Variants in HABP4 observed in about 807,000 individuals in gnomAD.
HABP4 encodes the protein hyaluronan binding protein 4.
Under a neutral mutation model 44.1 loss-of-function variants are expected in HABP4, and 32 were observed. The observed-to-expected ratio is 0.73, with a 90% CI of 0.55 to 0.97. The LOEUF (loss-of-function observed/expected upper bound fraction) is 0.97. Among genes scored for constraint, HABP4 ranks in the 50% least tolerant of loss-of-function variants. The probability of loss-of-function intolerance (pLI) is 0.00; values close to 1 mark genes in which losing one functional copy is unlikely to be tolerated. For missense variants in HABP4, 503 were observed against 561.9 expected (o/e 0.90, Z 1.06); for synonymous variants, 216 against 218.0 (o/e 0.99, Z 0.08).
intron 5 of HABP4, among the ~76,000 whole-genome samples, chr9:96,472,362 A>G (rs1378523158): frequency 1.3e-5 from 2 of 152,010 alleles, no homozygotes; most frequent in African/African-American, 2.4e-5. Context: ...TTTCTCCTCA[A>G]AACCCTGACA....
intron 1 of HABP4, chr9:96,451,349 C>T: frequency 4.1e-6 from 1 of 245,452 alleles, no homozygotes; most frequent in Non-Finnish European, 6.5e-6. Context: ...AAAACCGGTG[C>T]GCAGCGTGGT....
chr9:96,468,767 A>G (rs561753652), intron 4 of HABP4, among the ~76,000 whole-genome samples: 1 of 152,276 alleles, frequency 6.6e-6, no homozygotes, highest in Non-Finnish European at 1.5e-5. Flanking sequence ...TAATTAATAA[A>G]TAGAGATAAA....
intron 2 of HABP4, among the ~76,000 whole-genome samples, chr9:96,460,395 T>G (rs1489940450): frequency 6.6e-6 from 1 of 152,110 alleles, no homozygotes; most frequent in Non-Finnish European, 1.5e-5. Context: ...GAGAATAAGG[T>G]GTAGGAATGT....
At chr9:96,465,623 C>A in intron 3 of HABP4, 87 bp from the exon 4 acceptor site, 1 of 1,182,722 alleles carries the variant, frequency 8.5e-7, no homozygotes. Flanking sequence ...GAAGCTGATC[C>A]TGGGACTTTT....
At chr9:96,478,420 C>T (rs1247063495) in intron 5 of HABP4, among the ~76,000 whole-genome samples, 4 of 152,130 alleles carry the variant, frequency 2.6e-5, no homozygotes, top group Non-Finnish European at 5.9e-5. Flanking sequence ...CGTGAGCCAC[C>T]GTGCCCGTCC....
intron 1 of HABP4, among the ~76,000 whole-genome samples, chr9:96,453,468 C>A: frequency 6.7e-6 from 1 of 149,336 alleles, no homozygotes; most frequent in East Asian, 1.9e-4. Flanking sequence ...GCCTCAGCCT[C>A]CCAAAGTGCT....
At chr9:96,487,983 C>T (rs1292903518) in intron 6 of HABP4, 106 bp from the exon 7 acceptor site, 1 of 783,280 alleles carries the variant, frequency 1.3e-6, no homozygotes, top group Non-Finnish European at 2.2e-6. Context: ...CTGACTAGCC[C>T]CTGATGGTGT....
At chr9:96,470,942 T>G in intron 4 of HABP4, 69 bp from the exon 5 acceptor site, 1 of 914,228 alleles carries the variant, frequency 1.1e-6, no homozygotes, top group Non-Finnish European at 1.8e-6. Context: ...TGTTTTCTCC[T>G]TCTTAAACAT....
chr9:96,462,793 A>G (rs1266143860), intron 2 of HABP4, among the ~76,000 whole-genome samples: 1 of 151,808 alleles, frequency 6.6e-6, no homozygotes, highest in Non-Finnish European at 1.5e-5. Context: ...GTGGTGGCAC[A>G]TGCCTGTAGT....
At chr9:96,457,500 C>T (rs1344703473) in intron 1 of HABP4, among the ~76,000 whole-genome samples, 1 of 152,216 alleles carries the variant, frequency 6.6e-6, no homozygotes, top group African/African-American at 2.4e-5. Flanking sequence ...GTTATAACTG[C>T]AAGTCTATAT....
intron 1 of HABP4, among the ~76,000 whole-genome samples, chr9:96,457,517 TAGA>T (rs1330430473): frequency 1.3e-5 from 2 of 152,232 alleles, no homozygotes; most frequent in African/African-American, 4.8e-5. Context: ...ATATATCTCA[TAGA>T]ATAGCAGGAA....
chr9:96,485,055 CTTTT>C (rs869271101), intron 6 of HABP4, among the ~76,000 whole-genome samples: 1 of 145,270 alleles, frequency 6.9e-6, no homozygotes, highest in Admixed American at 6.9e-5. Flanking sequence ...TAGTTGATGA[CTTTT>C]TTTTTTTTTT....
At chr9:96,458,229 A>T in intron 1 of HABP4, 150 bp from the exon 2 acceptor site, 1 of 767,894 alleles carries the variant, frequency 1.3e-6, no homozygotes, top group East Asian at 2.5e-5. Flanking sequence ...TAGTATCAGC[A>T]ACTTTTTTCT....
At chr9:96,451,495 G>A (rs761374767) in intron 1 of HABP4, 669 of 984,054 alleles carry the variant, frequency 6.8e-4, no homozygotes, top group South Asian at 8.0e-4. Flanking sequence ...GGTTTGCAGA[G>A]TGTTAGGATT....
At chr9:96,485,609 G>A in intron 6 of HABP4, among the ~76,000 whole-genome samples, 1 of 152,204 alleles carries the variant, frequency 6.6e-6, no homozygotes, top group Middle Eastern at 3.2e-3. Context: ...CAGTTTTGCA[G>A]GGAGAGGTTT....
rs1191295924 is a variant in HABP4 at position 96,490,030 on chromosome 9, C to T, written c.1234C>T (p.Leu412=). Reference sequence around the variant, plus strand: ...AGATGACCCGGAAGATTTCCCTGCGCTGTCTTGAAAGAGCCCTGTTTCCCA... The same window carrying T: ...AGATGACCCGGAAGATTTCCCTGCGTTGTCTTGAAAGAGCCCTGTTTCCCA... The part of the protein sequence containing the change: ...NPDDPEDFPA[L]S The change falls in exon 8 of 8, where the codon CTG becomes TTG. Residue 412 remains leucine (L), a synonymous_variant. Coordinates refer to ENST00000375249, the MANE Select transcript of HABP4 (RefSeq NM_014282.4). 1.3e-6 allele frequency: 2 copies of T among 1,598,478 alleles called. No individual in the cohort carries two copies. Among genetic ancestry groups the T allele is most frequent in the Admixed American group, 1.7e-5 (1 of 60,012 alleles).
At position 96,450,527 on chromosome 9, in the gene HABP4, C is replaced by A; in HGVS notation, c.248C>A (p.Ala83Asp). The A allele has an allele frequency of 8.1e-7, 1 of 1,230,738 alleles. No individual in the cohort carries two copies. Among genetic ancestry groups the A allele is most frequent in the Non-Finnish European group, 1.0e-6 (1 of 986,246 alleles). The allele number at this position is 1,230,738 out of a possible 1,614,324, so 76.2% of individuals were successfully genotyped here. Residue 83 changes from alanine to aspartate, a missense_variant, in exon 1 of 8, where the codon GCC becomes GAC. Ala to Asp is a moderately radical substitution (Grantham distance 126, BLOSUM62 -2). Transcript: ENST00000375249. The surrounding 1 kb of genome is among the most constrained non-coding windows in gnomAD (Gnocchi z 4.8). Reference protein sequence around the residue: ...RSPAGASGHRAGAGGRRESQK... With the variant: ...RSPAGASGHRDGAGGRRESQK... ...CCAGCCGGGGCCTCGGGCCACAGAG[C>A]CGGCGCGGGCGGCCGGAGGGAGTCG...
At chr9:96,458,069 C>CT (rs1420476317) in intron 1 of HABP4, among the ~76,000 whole-genome samples, 1 of 152,076 alleles carries the variant, frequency 6.6e-6, no homozygotes, top group African/African-American at 2.4e-5. Flanking sequence ...TGAACTGTAG[C>CT]TTATTTAGTA....
rs748459045 is a variant in HABP4, at chr9:96,459,960, T to G, written c.512+1419T>G. ...AATCTGCTGTGTAGTAAGCACAGTCTCCTTGTTTCTGCAAAGCTTCTTGTA... is the reference window on the plus strand; with the variant it reads ...AATCTGCTGTGTAGTAAGCACAGTCGCCTTGTTTCTGCAAAGCTTCTTGTA... On this transcript the variant is annotated intron_variant, in intron 2 of 7. Coordinates refer to ENST00000375249, the MANE Select transcript of HABP4 (RefSeq NM_014282.4). Among the ~76,000 whole-genome samples, 27 of 152,212 alleles carry G rather than the reference T, an allele frequency of 1.8e-4. 1 individual carries two copies. The South Asian group carries it at 2.7e-3, about 15-fold the overall frequency.
Sources: gnomAD v4.1 joint callset for allele counts (sites outside exome capture counted in the v4.1 genomes callset) on GRCh38, gnomAD v4.1.1 for gene constraint, Gnocchi (gnomAD v3.1) non-coding constraint, MANE v1.5 for transcripts, NCBI Gene and HGNC (gene_info 2026-07-23, HGNC 2026-07-21) for gene names.